The following CADPS variants were observed in gnomAD, a reference collection of about 807,000 sequenced individuals.
CADPS encodes calcium-dependent secretion activator 1.
CADPS carries 57 observed loss-of-function variants against 167.3 expected under a neutral mutation model. The ratio of observed to expected loss-of-function variants is 0.34; its 90% confidence interval spans 0.28 to 0.42. The LOEUF (loss-of-function observed/expected upper bound fraction) is 0.42, where lower values mean the gene tolerates loss of function less well. CADPS is among the 20% of genes least tolerant of loss of function. The probability of loss-of-function intolerance (pLI) is 1.00; values close to 1 mark genes in which losing one functional copy is unlikely to be tolerated. For synonymous variants in CADPS, 676 were observed against 635.3 expected (o/e 1.06, Z -0.96); for missense variants, 1,414 against 1,738.1 (o/e 0.81, Z 3.32).
intron 6 of CADPS, among the ~76,000 whole-genome samples, chr3:62,622,905 G>T (rs2063416529): frequency 6.6e-6 from 1 of 152,120 alleles, no homozygotes; most frequent in African/African-American, 2.4e-5. Flanking sequence ...AAATATTTCA[G>T]CTCATTTGGA....
chr3:62,716,306 G>A (rs1487009183), intron 3 of CADPS, among the ~76,000 whole-genome samples: 2 of 151,534 alleles, frequency 1.3e-5, no homozygotes, highest in Non-Finnish European at 2.9e-5. Flanking sequence ...CGTCCATCTC[G>A]GCCTCCCAAA....
chr3:62,767,200 G>A (rs566380416), intron 1 of CADPS, among the ~76,000 whole-genome samples: 1 of 152,254 alleles, frequency 6.6e-6, no homozygotes, highest in African/African-American at 2.4e-5. Context: ...AATAGATCAT[G>A]AGAAACTACC....
intron 9 of CADPS, among the ~76,000 whole-genome samples, chr3:62,566,235 C>A (rs925603584): frequency 2.0e-5 from 3 of 152,194 alleles, no homozygotes; most frequent in Admixed American, 1.3e-4. Context: ...TTCTCCCTTC[C>A]CCAGAACTCT....
At chr3:62,599,648 A>ATT (rs1562703207) in intron 6 of CADPS, among the ~76,000 whole-genome samples, 1 of 548 alleles carries the variant, frequency 1.8e-3, no homozygotes, top group Non-Finnish European at 0.019. Context: ...ATAATATATA[A>ATT]TATATAATAT....
intron 3 of CADPS, among the ~76,000 whole-genome samples, chr3:62,732,812 A>G (rs1026312746): frequency 1.3e-5 from 2 of 152,180 alleles, no homozygotes; most frequent in Non-Finnish European, 2.9e-5. Flanking sequence ...AACAAATATA[A>G]GGGAGATAAT....
At chr3:62,534,535 T>A (rs1382324450) in intron 12 of CADPS, among the ~76,000 whole-genome samples, 1 of 152,182 alleles carries the variant, frequency 6.6e-6, no homozygotes, top group Non-Finnish European at 1.5e-5. Context: ...AAATGCTAAA[T>A]CTTAGAAACA....
At chr3:62,575,894 T>C (rs2082172022) in intron 8 of CADPS, among the ~76,000 whole-genome samples, 1 of 152,136 alleles carries the variant, frequency 6.6e-6, no homozygotes, top group South Asian at 2.1e-4. Flanking sequence ...CCCTCTGAGG[T>C]TTTCCTCGGA....
chr3:62,633,609 C>T (rs2065719451), intron 6 of CADPS, among the ~76,000 whole-genome samples: 2 of 152,060 alleles, frequency 1.3e-5, no homozygotes, highest in Non-Finnish European at 2.9e-5. Context: ...ATAACTGGTT[C>T]CCTCTTGCTT....
At chr3:62,400,815 G>A (rs1196472975) in intron 29 of CADPS, among the ~76,000 whole-genome samples, 1 of 151,962 alleles carries the variant, frequency 6.6e-6, no homozygotes, top group East Asian at 1.9e-4. Flanking sequence ...GGCCAGGATG[G>A]TCTTGATCTC....
At chr3:62,718,987 C>T (rs531937521) in intron 3 of CADPS, among the ~76,000 whole-genome samples, 40 of 152,232 alleles carry the variant, frequency 2.6e-4, no homozygotes, top group Non-Finnish European at 4.4e-4. Flanking sequence ...GAACATTTTT[C>T]GTGAGGGGAA....
chr3:62,810,622 C>A (rs913191608), intron 1 of CADPS, among the ~76,000 whole-genome samples: 1 of 152,144 alleles, frequency 6.6e-6, no homozygotes, highest in Non-Finnish European at 1.5e-5. Context: ...CTTCCATTAT[C>A]CAGTTAACAT....
intron 1 of CADPS, among the ~76,000 whole-genome samples, chr3:62,811,564 T>C (rs1257005687): frequency 1.3e-5 from 2 of 152,230 alleles, no homozygotes; most frequent in African/African-American, 4.8e-5. Flanking sequence ...TCCTATCCCA[T>C]CATTCAAAGC....
intron 9 of CADPS, among the ~76,000 whole-genome samples, chr3:62,566,170 T>G (rs1329249179): frequency 6.6e-6 from 1 of 152,194 alleles, no homozygotes; most frequent in African/African-American, 2.4e-5. Context: ...CCACACTGTT[T>G]TCCAGGGAGT....
In CADPS at chr3:62,514,495, A is replaced by C. The variant is rs1489888938; in HGVS notation, c.2581+1564T>G. Among the ~76,000 whole-genome samples, 1 of 152,130 alleles carries C rather than the reference A, an allele frequency of 6.6e-6. No individual in the cohort carries two copies. The highest frequency in any genetic ancestry group is 1.5e-5 in the Non-Finnish European group (1 of 68,004). On this transcript the variant is annotated intron_variant, in intron 16 of 29. Coordinates refer to ENST00000383710, the MANE Select transcript of CADPS (RefSeq NM_003716.4). This position sits in a 1 kb window ranked among gnomAD's most constrained non-coding sequence, Gnocchi z 4.2. The stretch of plus-strand genomic sequence containing the variant: ...AAAAAAGAATTGGTTTCTTCAAAGA[A>C]TCCCCAGACCTAAAAGTCACAGTGC...
rs190544212 is a variant in CADPS at position 62,804,908 on chromosome 3, G to C, written c.442-38924C>G. Among the ~76,000 whole-genome samples, 701 of 152,232 alleles carry C rather than the reference G, an allele frequency of 4.6e-3. 5 individuals carry two copies. Among genetic ancestry groups the C allele is most frequent in the Middle Eastern group, 6.8e-3 (2 of 294 alleles). On this transcript the variant is annotated intron_variant, in intron 1 of 29. Coordinates refer to ENST00000383710, the MANE Select transcript of CADPS (RefSeq NM_003716.4). ...AGGACAAAAATCTCAAATTTACTGA[G>C]AGTGAACAAAGTATAAATAATCAAG...
rs780894973 is a variant in CADPS, at chr3:62,481,736, T to C, written c.3160A>G (p.Ile1054Val). 1 of 1,603,682 alleles carries C rather than the reference T, an allele frequency of 6.2e-7. No homozygotes were observed. The highest frequency in any genetic ancestry group is 8.5e-7 in the Non-Finnish European group (1 of 1,177,092). The change falls in exon 22 of 30, where the codon ATA becomes GTA. Residue 1054 changes from isoleucine to valine, a missense_variant. This residue lies in a region of CADPS where 529 missense variants were observed against 629.6 expected (regional missense o/e 0.84). Transcript: ENST00000383710. ...CTGAATACACACTCCGCATCATATA[T>C]AGCAGCCATCCATGACGGTGCCGAA... ...TFSAPSWMAA[I>V]YDADNGSGTS...
chr3:62,776,911 A>G lies in CADPS; in HGVS notation c.442-10927T>C, dbSNP rs80162624. 5.3e-3 allele frequency among the ~76,000 whole-genome samples: 801 copies of G among 152,288 alleles called. 13 individuals carry two copies. Among genetic ancestry groups the G allele is most frequent in the African/African-American group, 0.018 (754 of 41,556 alleles). Reference sequence around the variant, plus strand: ...GGTACAAAATGGGTGAGGAAAGACAAGATGAGAAACTGTGGGACCTTCTTG... The same window carrying G: ...GGTACAAAATGGGTGAGGAAAGACAGGATGAGAAACTGTGGGACCTTCTTG... On this transcript the variant is annotated intron_variant, in intron 1 of 29. Transcript: ENST00000383710.
At chr3:62,524,271 G>A (rs1206728380) in intron 13 of CADPS, among the ~76,000 whole-genome samples, 1 of 152,068 alleles carries the variant, frequency 6.6e-6, no homozygotes, top group Non-Finnish European at 1.5e-5. Context: ...CATCTATATG[G>A]TTTGTACAAT....
chr3:62,413,102 A>C (rs888093033), intron 28 of CADPS, among the ~76,000 whole-genome samples: 1 of 152,170 alleles, frequency 6.6e-6, no homozygotes, highest in African/African-American at 2.4e-5. Flanking sequence ...GCCAAAGTTC[A>C]ACTCATTGAT....
Sources: gnomAD v4.1 joint callset for allele counts (sites outside exome capture counted in the v4.1 genomes callset) on GRCh38, gnomAD v4.1.1 for gene constraint, gnomAD v4.1.1 regional missense constraint, Gnocchi (gnomAD v3.1) non-coding constraint, MANE v1.5 for transcripts, NCBI Gene and HGNC (gene_info 2026-07-23, HGNC 2026-07-21) for gene names.